NXPE2: variants seen among roughly 807,000 people sequenced by gnomAD.
NXPE2 encodes the protein NXPE family member 2.
In NXPE2, 34 loss-of-function variants were observed where a neutral mutation model predicts 34.4. The ratio of observed to expected loss-of-function variants is 0.99; its 90% CI spans 0.75 to 1.31. NXPE2 has a LOEUF of 1.31. Among genes scored for constraint, NXPE2 ranks in the 40% most tolerant of loss-of-function variants. The probability of loss-of-function intolerance (pLI) is 0.00; values close to 1 mark genes in which losing one functional copy is unlikely to be tolerated. For synonymous variants in NXPE2, 235 were observed against 231.3 expected (o/e 1.02, Z -0.15); for missense variants, 649 against 672.5 (o/e 0.97, Z 0.39).
chr11:114,634,223 G>A, the NXPE2 span, among the ~76,000 whole-genome samples: 1 of 151,846 alleles, frequency 6.6e-6, no homozygotes, highest in Non-Finnish European at 1.5e-5. Context: ...GTGATGGTGA[G>A]CATTTTTTCA....
the NXPE2 span, among the ~76,000 whole-genome samples, chr11:114,631,528 TGGGGGGA>T: frequency 1.6e-5 from 1 of 61,722 alleles, no homozygotes; most frequent in South Asian, 6.3e-4. Flanking sequence ...TGTTGTGGGG[TGGGGGGA>T]GGGGGGAGGG....
At chr11:114,581,267 T>C in the NXPE2 span, among the ~76,000 whole-genome samples, 1 of 152,160 alleles carries the variant, frequency 6.6e-6, no homozygotes, top group Non-Finnish European at 1.5e-5. Context: ...TTTTTTATGC[T>C]AACAATTGTT....
chr11:114,468,801 A>AT, the NXPE2 span, among the ~76,000 whole-genome samples: 3 of 152,138 alleles, frequency 2.0e-5, no homozygotes, highest in Non-Finnish European at 4.4e-5. Flanking sequence ...AAAGCTGCTC[A>AT]TTTTTCAGGT....
At chr11:114,786,361 G>T in the NXPE2 span, among the ~76,000 whole-genome samples, 2 of 106,844 alleles carry the variant, frequency 1.9e-5, no homozygotes, top group African/African-American at 7.5e-5. Flanking sequence ...TTCTACCCCC[G>T]CCCCCCGCCC....
At chr11:114,598,744 C>T in the NXPE2 span, among the ~76,000 whole-genome samples, 53 of 152,212 alleles carry the variant, frequency 3.5e-4, no homozygotes, top group African/African-American at 7.7e-4. Flanking sequence ...GACAGGGCCC[C>T]GGGCCTGGCT....
the NXPE2 span, among the ~76,000 whole-genome samples, chr11:114,663,079 G>T: frequency 6.6e-6 from 1 of 152,118 alleles, no homozygotes; most frequent in East Asian, 1.9e-4. Context: ...TGCACTGAAG[G>T]GTCAGTACCA....
the NXPE2 span, among the ~76,000 whole-genome samples, chr11:114,536,608 C>T: frequency 3.9e-5 from 6 of 152,018 alleles, no homozygotes; most frequent in African/African-American, 7.2e-5. Context: ...ATATCACCAC[C>T]GATCCCACAG....
chr11:114,596,618 G>C, the NXPE2 span, among the ~76,000 whole-genome samples: 1 of 152,082 alleles, frequency 6.6e-6, no homozygotes, highest in Non-Finnish European at 1.5e-5. Context: ...GTCTTTACTT[G>C]ATGACCTTTG....
intron 2 of NXPE2, among the ~76,000 whole-genome samples, chr11:114,688,447 T>C (rs1210486242): frequency 6.6e-6 from 1 of 152,160 alleles, no homozygotes; most frequent in Non-Finnish European, 1.5e-5. Flanking sequence ...CACTTAATTG[T>C]GGCGAATTAA....
chr11:114,812,622 T>C, the NXPE2 span, among the ~76,000 whole-genome samples: 1 of 152,194 alleles, frequency 6.6e-6, no homozygotes, highest in Admixed American at 6.5e-5. Flanking sequence ...GTTTCAGGGC[T>C]TAAACCTGGT....
At chr11:114,788,614 G>A in the NXPE2 span, among the ~76,000 whole-genome samples, 2 of 152,190 alleles carry the variant, frequency 1.3e-5, no homozygotes, top group Non-Finnish European at 2.9e-5. Context: ...ACTGGTCCCC[G>A]GAAACTGCCA....
chr11:114,560,933 C>CT, the NXPE2 span, among the ~76,000 whole-genome samples: 1 of 152,100 alleles, frequency 6.6e-6, no homozygotes, highest in Non-Finnish European at 1.5e-5. Flanking sequence ...GTTTCTCTGT[C>CT]TTTTTGTGGC....
At chr11:114,575,322 G>C in the NXPE2 span, among the ~76,000 whole-genome samples, 2 of 152,006 alleles carry the variant, frequency 1.3e-5, no homozygotes, top group African/African-American at 4.8e-5. Context: ...CTTCAACATA[G>C]TACTGGAAGT....
chr11:114,532,711 CTG>C, the NXPE2 span, among the ~76,000 whole-genome samples: 2 of 152,076 alleles, frequency 1.3e-5, no homozygotes, highest in Non-Finnish European at 2.9e-5. Context: ...CTCTTTCTCT[CTG>C]TGTGTATGTG....
At chr11:114,721,391 C>T in the NXPE2 span, among the ~76,000 whole-genome samples, 1 of 152,096 alleles carries the variant, frequency 6.6e-6, no homozygotes, top group Non-Finnish European at 1.5e-5. Context: ...CTGTCTCTGC[C>T]TGATCATCCG....
the NXPE2 span, among the ~76,000 whole-genome samples, chr11:114,561,593 A>G: frequency 4.6e-5 from 7 of 152,172 alleles, no homozygotes; most frequent in Middle Eastern, 3.2e-3. Context: ...TTTACTTGCT[A>G]TAGAATTAGG....
chr11:114,485,160 CA>C, the NXPE2 span, among the ~76,000 whole-genome samples: 1 of 152,014 alleles, frequency 6.6e-6, no homozygotes, highest in Non-Finnish European at 1.5e-5. Context: ...TCCATCATCT[CA>C]AACATTTATA....
At chr11:114,682,462 T>G (rs1276967361) in intron 2 of NXPE2, among the ~76,000 whole-genome samples, 1 of 152,152 alleles carries the variant, frequency 6.6e-6, no homozygotes, top group African/African-American at 2.4e-5. Context: ...TAATTTTGAT[T>G]GGCATCTTCT....
the NXPE2 span, among the ~76,000 whole-genome samples, chr11:114,563,992 A>C: frequency 6.6e-6 from 1 of 152,140 alleles, no homozygotes; most frequent in African/African-American, 2.4e-5. Context: ...ATGAGAAAAG[A>C]CACTGGCACA....
Sources: gnomAD v4.1 joint callset for allele counts (sites outside exome capture counted in the v4.1 genomes callset) on GRCh38, gnomAD v4.1.1 for gene constraint, MANE v1.5 for transcripts, NCBI Gene and HGNC (gene_info 2026-07-23, HGNC 2026-07-21) for gene names.